The following TMEM178B variants were observed in gnomAD, a reference collection of about 807,000 sequenced individuals.
TMEM178B encodes transmembrane protein 178B.
TMEM178B carries 5 observed loss-of-function variants against 31.0 expected under a neutral mutation model. That is an observed-to-expected ratio of 0.16 (90% CI 0.08 to 0.34). The LOEUF (loss-of-function observed/expected upper bound fraction) is 0.34, where lower values mean the gene tolerates loss of function less well. Among genes scored for constraint, TMEM178B ranks in the 10% least tolerant of loss-of-function variants. The pLI is 1.00. For missense variants in TMEM178B, 275 were observed against 400.3 expected, an observed-to-expected ratio of 0.69 and a Z score of 2.67; for synonymous variants, 164 against 164.0, an observed-to-expected ratio of 1.00 and a Z score of 0.00.
At chr7:141,333,626 C>T (rs1799333291) in intron 2 of TMEM178B, among the ~76,000 whole-genome samples, 1 of 152,196 alleles carries the variant, frequency 6.6e-6, no homozygotes, top group Non-Finnish European at 1.5e-5. Flanking sequence ...AGCAGCAGCA[C>T]AGACCAGAAT....
At chr7:141,221,498 C>T (rs1797256120) in intron 2 of TMEM178B, among the ~76,000 whole-genome samples, 1 of 152,218 alleles carries the variant, frequency 6.6e-6, no homozygotes, top group Admixed American at 6.5e-5. Flanking sequence ...AATGAGTGAA[C>T]TCCCAGGGAG....
chr7:141,115,752 C>G (rs1380691698), intron 1 of TMEM178B, among the ~76,000 whole-genome samples: 2 of 152,152 alleles, frequency 1.3e-5, no homozygotes, highest in East Asian at 1.9e-4. Context: ...GGGCATTCAC[C>G]TCTGAGGGCA....
chr7:141,412,198 G>A (rs568266337), intron 2 of TMEM178B, among the ~76,000 whole-genome samples: 3 of 152,294 alleles, frequency 2.0e-5, no homozygotes, highest in African/African-American at 7.2e-5. Flanking sequence ...ACAATTAAAC[G>A]AGTTAAATGG....
rs537292413 is a variant in TMEM178B, at chr7:141,386,695, A to C, written c.497-50913A>C. On this transcript the variant is annotated intron_variant, in intron 2 of 3. Transcript: ENST00000565468. ...TTACAAAAGCTGTGGATCTTCTTCC[A>C]AACACTGCGACTATGCATATACCTG... 1.3e-4 allele frequency among the ~76,000 whole-genome samples: 20 copies of C among 152,308 alleles called. No individual in the cohort carries two copies. The South Asian group carries it at 4.1e-3, about 32-fold the overall frequency.
chr7:141,488,907 C>T, the TMEM178B span, among the ~76,000 whole-genome samples: 4 of 150,856 alleles, frequency 2.7e-5, no homozygotes, highest in Non-Finnish European at 5.9e-5. Flanking sequence ...ATTTTTTTCC[C>T]CCGTTGGAGA....
At chr7:141,166,585 A>G (rs117971908) in intron 1 of TMEM178B, among the ~76,000 whole-genome samples, 3,190 of 152,350 alleles carry the variant, frequency 0.021, 43 homozygotes, top group Non-Finnish European at 0.034. Flanking sequence ...AAGAGGGGAT[A>G]GGAAGAAACA....
intron 2 of TMEM178B, among the ~76,000 whole-genome samples, chr7:141,264,362 T>C (rs1258977817): frequency 2.6e-5 from 4 of 152,212 alleles, no homozygotes; most frequent in African/African-American, 9.6e-5. Context: ...ACACAGTCTA[T>C]CTTTGTTTGC....
chr7:141,239,226 C>T (rs1344415505), intron 2 of TMEM178B, among the ~76,000 whole-genome samples: 1 of 152,086 alleles, frequency 6.6e-6, no homozygotes, highest in East Asian at 1.9e-4. Flanking sequence ...CTGGGGATAT[C>T]TTAGGTGGGT....
the TMEM178B span, among the ~76,000 whole-genome samples, chr7:141,501,604 G>A: frequency 6.6e-6 from 1 of 152,122 alleles, no homozygotes; most frequent in East Asian, 1.9e-4. Context: ...TAGACTTTGA[G>A]TAAAACAAAT....
the TMEM178B span, among the ~76,000 whole-genome samples, chr7:141,508,279 T>C: frequency 6.6e-6 from 1 of 152,320 alleles, no homozygotes; most frequent in South Asian, 2.1e-4. Flanking sequence ...AAGAGTCACC[T>C]TTACTCCAGT....
chr7:141,284,999 T>G (rs1798421411), intron 2 of TMEM178B, among the ~76,000 whole-genome samples: 1 of 151,156 alleles, frequency 6.6e-6, no homozygotes, highest in East Asian at 1.9e-4. Flanking sequence ...TTTGTGGAGC[T>G]GGTTGTGAGA....
chr7:141,259,519 G>C (rs554883674), intron 2 of TMEM178B, among the ~76,000 whole-genome samples: 131 of 152,162 alleles, frequency 8.6e-4, no homozygotes, highest in Non-Finnish European at 1.5e-3. Context: ...ATAATTTTTG[G>C]TGAAAACTGG....
Position 141,170,707 on chromosome 7 carries a change from T to C in TMEM178B, c.383-41884T>C, listed in dbSNP as rs34794684. On this transcript the variant is annotated intron_variant, in intron 1 of 3. Coordinates refer to ENST00000565468, the MANE Select transcript of TMEM178B (RefSeq NM_001195278.2). Reference sequence around the variant, plus strand: ...AAGGACTGTGTGCAATGCATTGCTGTATCAAAGTTGAGACTGTGGGGCGGG... The same window carrying C: ...AAGGACTGTGTGCAATGCATTGCTGCATCAAAGTTGAGACTGTGGGGCGGG... Among the ~76,000 whole-genome samples the C allele has an allele frequency of 5.9e-3, 891 of 152,264 alleles. 7 individuals are homozygous for C. Among genetic ancestry groups the C allele is most frequent in the Middle Eastern group, 0.017 (5 of 294 alleles).
At chr7:141,341,497 A>G (rs1332267392) in intron 2 of TMEM178B, among the ~76,000 whole-genome samples, 1 of 152,086 alleles carries the variant, frequency 6.6e-6, no homozygotes, top group African/African-American at 2.4e-5. Flanking sequence ...AAGGCAGCAC[A>G]CTCATCTCTC....
At chr7:141,453,808 T>C (rs553577062) in intron 3 of TMEM178B, among the ~76,000 whole-genome samples, 2 of 152,316 alleles carry the variant, frequency 1.3e-5, no homozygotes, top group East Asian at 3.9e-4. Context: ...ATGCCAAGTC[T>C]TTATTTATTC....
Position 141,074,202 on chromosome 7 carries a change from T to A in TMEM178B, c.-109T>A, listed in dbSNP as rs1794555772. The A allele has an allele frequency of 5.7e-6, 8 of 1,394,122 alleles. No homozygotes were observed. Among genetic ancestry groups the A allele is most frequent in the Non-Finnish European group, 7.5e-6 (8 of 1,073,422 alleles). The allele number at this position is 1,394,122 out of a possible 1,614,324, so 86.4% of individuals were successfully genotyped here. The stretch of plus-strand genomic sequence containing the variant: ...GAGGGGGCGCCGCGGCGCGAGTCCC[T>A]CTCCTGCCCCCTCCCCCAGCTCGGC... On this transcript the variant is annotated 5_prime_UTR_variant, in exon 1 of 4. Coordinates refer to ENST00000565468, the MANE Select transcript of TMEM178B (RefSeq NM_001195278.2). This position sits in a 1 kb window ranked among gnomAD's most constrained non-coding sequence, Gnocchi z 5.1.
intron 2 of TMEM178B, among the ~76,000 whole-genome samples, chr7:141,423,745 A>G (rs575432590): frequency 2.0e-5 from 3 of 150,896 alleles, no homozygotes; most frequent in South Asian, 4.2e-4. Context: ...CTTTGTTCCC[A>G]TGGACCTCAG....
At chr7:141,375,952 G>C (rs923456457) in intron 2 of TMEM178B, among the ~76,000 whole-genome samples, 1 of 152,214 alleles carries the variant, frequency 6.6e-6, no homozygotes, top group Non-Finnish European at 1.5e-5. Flanking sequence ...AGTAGCCCCA[G>C]AGCTGGCAAC....
chr7:141,245,086 C>T (rs891404670), intron 2 of TMEM178B, among the ~76,000 whole-genome samples: 2 of 140,428 alleles, frequency 1.4e-5, no homozygotes, highest in African/African-American at 5.3e-5. Flanking sequence ...TTGCTTGAAC[C>T]TGGGAGGCGG....
Sources: allele counts gnomAD v4.1 joint callset (sites outside exome capture counted in the v4.1 genomes callset), GRCh38; gene constraint gnomAD v4.1.1; non-coding constraint Gnocchi (gnomAD v3.1); transcripts MANE v1.5; gene names NCBI Gene and HGNC (gene_info 2026-07-23, HGNC 2026-07-21).